The following CTNNA3 variants were observed in gnomAD, a reference collection of about 807,000 sequenced individuals.
CTNNA3 encodes catenin alpha 3.
A neutral mutation model predicts 95.7 loss-of-function variants in CTNNA3; 76 were observed. The observed-to-expected ratio is 0.79, with a 90% CI of 0.66 to 0.96. The LOEUF is 0.96. Ranked by LOEUF, CTNNA3 falls within the 40% of genes least tolerant of loss-of-function variation. The pLI is 0.00. For missense variants in CTNNA3, 1,191 were observed against 1,089.8 expected, an observed-to-expected ratio of 1.09 and a Z score of -1.31; for synonymous variants, 431 against 374.4, an observed-to-expected ratio of 1.15 and a Z score of -1.74.
At chr10:66,917,126 C>T (rs1422124525) in intron 7 of CTNNA3, among the ~76,000 whole-genome samples, 1 of 152,182 alleles carries the variant, frequency 6.6e-6, no homozygotes, top group Non-Finnish European at 1.5e-5. Flanking sequence ...GTGGAAGGCA[C>T]TTTGTCTTAT....
chr10:66,363,378 T>C (rs1307606331), intron 12 of CTNNA3, among the ~76,000 whole-genome samples: 3 of 152,142 alleles, frequency 2.0e-5, no homozygotes, highest in Non-Finnish European at 4.4e-5. Context: ...ATTAGTGCCC[T>C]TATAAGGAGA....
rs147870801 is a variant in CTNNA3 at position 67,742,152 on chromosome 10, C to A, written c.-2+21282G>T. On this transcript the variant is annotated intron_variant, in intron 1 of 17. Coordinates refer to the CTNNA3 transcript ENST00000684154. ...GAACTGAACTCAGCTCTGCACCAAG[C>A]GGACCTAATAGACACAACTTTCCAC... Among the ~76,000 whole-genome samples, 1,424 of 151,128 alleles carry A rather than the reference C, an allele frequency of 9.4e-3. 43 individuals are homozygous for A. The highest frequency in any genetic ancestry group is 0.033 in the African/African-American group (1,365 of 41,376).
chr10:66,889,122 G>T (rs748817271), intron 7 of CTNNA3, among the ~76,000 whole-genome samples: 16 of 152,152 alleles, frequency 1.1e-4, no homozygotes, highest in Non-Finnish European at 2.1e-4. Context: ...AACCTGAAAA[G>T]GCTTCATACT....
At chr10:67,628,958 T>A (rs1285183276) in intron 2 of CTNNA3, among the ~76,000 whole-genome samples, 2 of 151,972 alleles carry the variant, frequency 1.3e-5, no homozygotes, top group Non-Finnish European at 2.9e-5. Context: ...CTGACAACTC[T>A]GAAACTGTAT....
At chr10:66,055,108 T>C (rs1328007582) in intron 15 of CTNNA3, among the ~76,000 whole-genome samples, 3 of 152,176 alleles carry the variant, frequency 2.0e-5, no homozygotes, top group Non-Finnish European at 4.4e-5. Flanking sequence ...AGTATCATGC[T>C]GTTTGGGGTA....
intron 9 of CTNNA3, among the ~76,000 whole-genome samples, chr10:66,670,373 G>A (rs545331224): frequency 2.0e-5 from 3 of 152,184 alleles, no homozygotes; most frequent in Non-Finnish European, 4.4e-5. Context: ...GTCAGTGGCT[G>A]AATTCAATTC....
intron 1 of CTNNA3, among the ~76,000 whole-genome samples, chr10:67,726,239 A>C (rs1841214141): frequency 1.1e-5 from 1 of 94,648 alleles, no homozygotes; most frequent in Non-Finnish European, 1.8e-5. Context: ...ATTATATATT[A>C]TATATTATAT....
At chr10:66,631,262 T>C (rs1845124532) in intron 9 of CTNNA3, among the ~76,000 whole-genome samples, 1 of 152,154 alleles carries the variant, frequency 6.6e-6, no homozygotes, top group African/African-American at 2.4e-5. Context: ...CTCTTTCCAT[T>C]TCAATAATTT....
chr10:66,791,606 T>A (rs1840970975), intron 7 of CTNNA3, among the ~76,000 whole-genome samples: 1 of 152,180 alleles, frequency 6.6e-6, no homozygotes, highest in Admixed American at 6.5e-5. Flanking sequence ...AATGCATCTC[T>A]CCCCCAATAG....
chr10:66,971,799 G>T (rs986756336), intron 7 of CTNNA3, among the ~76,000 whole-genome samples: 68 of 152,082 alleles, frequency 4.5e-4, no homozygotes, highest in African/African-American at 1.6e-3. Flanking sequence ...AAGAGACCCT[G>T]TCATCTCTAC....
intron 1 of CTNNA3, among the ~76,000 whole-genome samples, chr10:67,677,473 T>C (rs1564824434): frequency 6.6e-6 from 1 of 152,110 alleles, no homozygotes; most frequent in Non-Finnish European, 1.5e-5. Context: ...TCATGAATTA[T>C]AAACAAGGAA....
At chr10:67,544,654 AC>A (rs1840785108) in intron 3 of CTNNA3, among the ~76,000 whole-genome samples, 1 of 152,096 alleles carries the variant, frequency 6.6e-6, no homozygotes, top group Non-Finnish European at 1.5e-5. Context: ...GGAAAGAACC[AC>A]CCAAAAGGAT....
intron 5 of CTNNA3, among the ~76,000 whole-genome samples, chr10:67,426,434 T>A (rs979004080): frequency 1.3e-5 from 2 of 152,040 alleles, no homozygotes; most frequent in Non-Finnish European, 2.9e-5. Flanking sequence ...AATGATGCTG[T>A]TTGTAATAAT....
chr10:66,216,808 A>G (rs1202099874), intron 13 of CTNNA3, among the ~76,000 whole-genome samples: 7 of 152,206 alleles, frequency 4.6e-5, no homozygotes, highest in Admixed American at 1.3e-4. Context: ...GTACATAACT[A>G]CATTACAATA....
chr10:66,061,601 T>C (rs1194860748), intron 15 of CTNNA3, among the ~76,000 whole-genome samples: 1 of 152,092 alleles, frequency 6.6e-6, no homozygotes, highest in East Asian at 1.9e-4. Context: ...GTCAATTTTC[T>C]AAGGCCTTTT....
intron 8 of CTNNA3, among the ~76,000 whole-genome samples, chr10:66,770,188 T>A (rs549068704): frequency 6.6e-6 from 1 of 152,324 alleles, no homozygotes; most frequent in Non-Finnish European, 1.5e-5. Context: ...GTGAAAGGAC[T>A]AGAATGTTAT....
At chr10:67,531,053 T>G (rs1049676532) in intron 4 of CTNNA3, among the ~76,000 whole-genome samples, 1 of 152,200 alleles carries the variant, frequency 6.6e-6, no homozygotes, top group African/African-American at 2.4e-5. Flanking sequence ...TTTTAGAGAA[T>G]TTATGGAAAC....
At chr10:66,951,687 AT>A (rs1395828277) in intron 7 of CTNNA3, among the ~76,000 whole-genome samples, 1 of 152,108 alleles carries the variant, frequency 6.6e-6, no homozygotes, top group Non-Finnish European at 1.5e-5. Flanking sequence ...CCTGAATGTG[AT>A]TTATTTTTTT....
intron 11 of CTNNA3, among the ~76,000 whole-genome samples, chr10:66,476,206 T>G (rs1839320962): frequency 6.6e-6 from 1 of 151,778 alleles, no homozygotes; most frequent in African/African-American, 2.4e-5. Context: ...ATGAGTCTTA[T>G]CAGCAGGAAC....
Sources: gnomAD v4.1 joint callset for allele counts (sites outside exome capture counted in the v4.1 genomes callset) on GRCh38, gnomAD v4.1.1 for gene constraint, MANE v1.5 for transcripts, NCBI Gene and HGNC (gene_info 2026-07-23, HGNC 2026-07-21) for gene names.